BNC2: variants seen among roughly 807,000 people sequenced by gnomAD.
BNC2 encodes the protein basonuclin zinc finger protein 2, also known as zinc finger protein basonuclin-2.
A neutral mutation model predicts 76.3 loss-of-function variants in BNC2; 20 were observed. The observed-to-expected ratio is 0.26, with a 90% CI of 0.18 to 0.38. BNC2 has a LOEUF of 0.38. BNC2 is among the 10% of genes least tolerant of loss of function. BNC2 has a pLI of 1.00. For synonymous variants in BNC2, 582 were observed against 514.8 expected (o/e 1.13, Z -1.77); for missense variants, 1,382 against 1,399.8 (o/e 0.99, Z 0.20).
At chr9:16,566,006 T>C (rs1321927187) in intron 4 of BNC2, among the ~76,000 whole-genome samples, 1 of 152,186 alleles carries the variant, frequency 6.6e-6, no homozygotes, top group Non-Finnish European at 1.5e-5. Flanking sequence ...AAAGCTGTAT[T>C]TTCTCAGAAC....
intron 5 of BNC2, among the ~76,000 whole-genome samples, chr9:16,480,403 T>C (rs1259917129): frequency 6.6e-6 from 1 of 152,198 alleles, no homozygotes; most frequent in East Asian, 1.9e-4. Flanking sequence ...GCTCCCACTT[T>C]GGCGGCACTT....
chr9:16,731,213 T>A (rs553436030), intron 2 of BNC2, among the ~76,000 whole-genome samples: 11 of 152,356 alleles, frequency 7.2e-5, no homozygotes, highest in African/African-American at 2.6e-4. Context: ...ATCATTTATA[T>A]GAAAATTATT....
At chr9:16,448,016 T>G (rs1237743440) in intron 5 of BNC2, among the ~76,000 whole-genome samples, 2 of 152,024 alleles carry the variant, frequency 1.3e-5, no homozygotes, top group Non-Finnish European at 2.9e-5. Context: ...AGGAAAACAC[T>G]AGAAACAGGA....
intron 3 of BNC2, among the ~76,000 whole-genome samples, chr9:16,673,374 G>A (rs888478240): frequency 2.0e-5 from 3 of 149,250 alleles, no homozygotes; most frequent in African/African-American, 7.5e-5. Context: ...CATTCTTCTA[G>A]GGTGAGTAGA....
chr9:16,719,407 T>G (rs10738453), intron 3 of BNC2, among the ~76,000 whole-genome samples: 136,132 of 152,234 alleles, frequency 0.89, 61,012 homozygotes, highest in Non-Finnish European at 0.93. Flanking sequence ...TTGTTATTAT[T>G]TTAAGCCAGC....
intron 1 of BNC2, among the ~76,000 whole-genome samples, chr9:16,806,469 G>A (rs1399192838): frequency 6.6e-6 from 1 of 152,158 alleles, no homozygotes; most frequent in Non-Finnish European, 1.5e-5. Context: ...TGATAAGAAG[G>A]AATTTAAGCA....
At chr9:16,699,528 G>A (rs1209989599) in intron 3 of BNC2, among the ~76,000 whole-genome samples, 3 of 152,148 alleles carry the variant, frequency 2.0e-5, no homozygotes, top group Non-Finnish European at 4.4e-5. Flanking sequence ...ACTAGTAATT[G>A]AAAAGGCCAA....
intron 5 of BNC2, among the ~76,000 whole-genome samples, chr9:16,510,875 T>C (rs1262551695): frequency 1.3e-5 from 2 of 152,214 alleles, no homozygotes; most frequent in African/African-American, 2.4e-5. Context: ...TGAGTAATGA[T>C]TGCGAGATTT....
chr9:16,459,841 C>A (rs1274725544), intron 5 of BNC2, among the ~76,000 whole-genome samples: 1 of 152,174 alleles, frequency 6.6e-6, no homozygotes, highest in Non-Finnish European at 1.5e-5. Flanking sequence ...ATATATTTTT[C>A]ATGTATATAA....
At chr9:16,712,700 T>A (rs1035134535) in intron 3 of BNC2, among the ~76,000 whole-genome samples, 51 of 152,288 alleles carry the variant, frequency 3.3e-4, no homozygotes, top group Non-Finnish European at 5.9e-5. Flanking sequence ...AAAATACACT[T>A]GAGACAGCTT....
intron 1 of BNC2, among the ~76,000 whole-genome samples, chr9:16,772,506 T>G (rs1404214483): frequency 6.6e-6 from 1 of 152,186 alleles, no homozygotes; most frequent in Non-Finnish European, 1.5e-5. Context: ...TAAAGCTTAG[T>G]AGATGAAAAC....
intron 3 of BNC2, among the ~76,000 whole-genome samples, chr9:16,610,869 T>A (rs977430542): frequency 6.6e-6 from 1 of 152,214 alleles, no homozygotes; most frequent in African/African-American, 2.4e-5. Context: ...TAATTTGTCA[T>A]GATAAAGCAA....
chr9:16,570,541 A>G (rs1819293856), intron 4 of BNC2, among the ~76,000 whole-genome samples: 1 of 152,222 alleles, frequency 6.6e-6, no homozygotes, highest in Admixed American at 6.5e-5. Context: ...GGTGGGATAA[A>G]AAGACCCTAT....
chr9:16,499,101 G>A (rs546201382), intron 5 of BNC2, among the ~76,000 whole-genome samples: 2 of 152,274 alleles, frequency 1.3e-5, no homozygotes, highest in South Asian at 2.1e-4. Flanking sequence ...AAATATGGAC[G>A]CTAATGATTA....
At chr9:16,654,921 TAA>T (rs1472767523) in intron 3 of BNC2, among the ~76,000 whole-genome samples, 1 of 152,034 alleles carries the variant, frequency 6.6e-6, no homozygotes, top group Non-Finnish European at 1.5e-5. Flanking sequence ...CTGATGAAAA[TAA>T]AAGTGAGTTA....
intron 5 of BNC2, among the ~76,000 whole-genome samples, chr9:16,492,331 C>T (rs953839027): frequency 5.9e-5 from 9 of 152,120 alleles, no homozygotes; most frequent in African/African-American, 1.9e-4. Context: ...TGTAAGAAGT[C>T]AGAACTTTAA....
At chr9:16,731,029 TATA>T (rs966034244) in intron 2 of BNC2, among the ~76,000 whole-genome samples, 20 of 152,312 alleles carry the variant, frequency 1.3e-4, no homozygotes, top group African/African-American at 4.8e-4. Context: ...AACTTCCACA[TATA>T]ACATACTGTG....
chr9:16,790,679 CCT>C (rs1009509414), intron 1 of BNC2, among the ~76,000 whole-genome samples: 4 of 152,132 alleles, frequency 2.6e-5, no homozygotes, highest in Non-Finnish European at 5.9e-5. Flanking sequence ...CAGCATCTTT[CCT>C]CTGTTACATC....
chr9:16,627,450 G>A (rs1178984527), intron 3 of BNC2, among the ~76,000 whole-genome samples: 1 of 152,126 alleles, frequency 6.6e-6, no homozygotes, highest in East Asian at 1.9e-4. Flanking sequence ...ATATTCACAA[G>A]CTCAAAAACC....
Sources: gnomAD v4.1 joint callset for allele counts (sites outside exome capture counted in the v4.1 genomes callset) on GRCh38, gnomAD v4.1.1 for gene constraint, MANE v1.5 for transcripts, NCBI Gene and HGNC (gene_info 2026-07-23, HGNC 2026-07-21) for gene names.